SAMMSON: variants seen among roughly 807,000 people sequenced by gnomAD.
The protein encoded by SAMMSON is survival associated mitochondrial melanoma specific oncogenic non-coding RNA, also known as long intergenic non-protein coding RNA 1212.
chr3:70,186,286 T>C (rs2106708448), intron 4 of SAMMSON, among the ~76,000 whole-genome samples: 1 of 151,966 alleles, frequency 6.6e-6, no homozygotes, highest in African/African-American at 2.4e-5. Flanking sequence ...TTTAGACAAA[T>C]TGTGCTCTGT....
At chr3:70,045,141 T>TTA (rs1226230107) in intron 3 of SAMMSON, among the ~76,000 whole-genome samples, 22 of 130,760 alleles carry the variant, frequency 1.7e-4, no homozygotes, top group South Asian at 1.1e-3. Context: ...ATATTATAAT[T>TTA]TATATATATT....
intron 4 of SAMMSON, among the ~76,000 whole-genome samples, chr3:70,118,111 CG>C (rs1309308573): frequency 5.9e-5 from 9 of 152,058 alleles, no homozygotes; most frequent in Admixed American, 2.6e-4. Context: ...TTAGTAGAGA[CG>C]GGGTTTTTAC....
At chr3:70,029,600 A>C (rs575115710) in intron 3 of SAMMSON, among the ~76,000 whole-genome samples, 1 of 152,102 alleles carries the variant, frequency 6.6e-6, no homozygotes, top group South Asian at 2.1e-4. Flanking sequence ...CTAAAAATAC[A>C]AAAAATTAGC....
chr3:70,089,734 C>A (rs2067298743), intron 4 of SAMMSON, among the ~76,000 whole-genome samples: 2 of 151,854 alleles, frequency 1.3e-5, no homozygotes, highest in African/African-American at 2.4e-5. Flanking sequence ...TGGATGTTTT[C>A]AAAAAATATA....
chr3:70,374,546 G>A (rs1179138143), intron 9 of SAMMSON, among the ~76,000 whole-genome samples: 1 of 152,026 alleles, frequency 6.6e-6, no homozygotes, highest in Non-Finnish European at 1.5e-5. Context: ...GGGTGGGAGT[G>A]GCATTTTTGG....
chr3:70,161,501 T>TA (rs1222931526), intron 4 of SAMMSON, among the ~76,000 whole-genome samples: 31 of 152,162 alleles, frequency 2.0e-4, no homozygotes, highest in African/African-American at 7.2e-4. Context: ...TAAACTATCT[T>TA]ACCATTCCTA....
downstream of SAMMSON, among the ~76,000 whole-genome samples, chr3:70,393,935 G>A (rs761574441): frequency 3.3e-5 from 5 of 152,142 alleles, no homozygotes; most frequent in Admixed American, 6.6e-5. Flanking sequence ...TTAAAAAGAC[G>A]ACTTTGGCAG....
intron 3 of SAMMSON, among the ~76,000 whole-genome samples, chr3:70,043,383 A>T (rs1417665366): frequency 1.3e-5 from 2 of 151,980 alleles, no homozygotes; most frequent in Non-Finnish European, 2.9e-5. Context: ...ACGTTAGTTC[A>T]TTATTTCCAG....
intron 3 of SAMMSON, among the ~76,000 whole-genome samples, chr3:70,053,503 A>C (rs1351446593): frequency 2.0e-5 from 3 of 152,242 alleles, no homozygotes; most frequent in East Asian, 3.9e-4. Flanking sequence ...TGGGTGACTC[A>C]TTTCCTTGAC....
chr3:70,431,784 A>G (rs1028564350), intron 2 of SAMMSON, among the ~76,000 whole-genome samples: 58 of 152,142 alleles, frequency 3.8e-4, no homozygotes, highest in Admixed American at 9.8e-4. Flanking sequence ...TCTAATTTCT[A>G]TCACAATGGA....
rs191209146 is a variant in SAMMSON, at chr3:70,323,166, C to T, written n.740-31009C>T. On this transcript the variant is annotated intron_variant and non_coding_transcript_variant, in intron 7 of 9. Coordinates refer to ENST00000642114, the Ensembl canonical transcript of SAMMSON. ...TGAATCTCCTCTAAAATGCACAGGA[C>T]GTAAGAAGAAGAAAAAGAAAAGCTG... Among the ~76,000 whole-genome samples the T allele has an allele frequency of 4.1e-4, 63 of 152,034 alleles. No individual in the cohort carries two copies. The South Asian group carries it at 0.01, about 25-fold the overall frequency.
chr3:70,183,042 C>T (rs1701066233), intron 4 of SAMMSON, among the ~76,000 whole-genome samples: 1 of 152,172 alleles, frequency 6.6e-6, no homozygotes, highest in African/African-American at 2.4e-5. Context: ...GGGTCCTCCT[C>T]AGGTCTCTGG....
chr3:70,196,165 A>G (rs1169773468), intron 4 of SAMMSON, among the ~76,000 whole-genome samples: 2 of 152,224 alleles, frequency 1.3e-5, no homozygotes, highest in Admixed American at 6.5e-5. Context: ...AAACTTGCAC[A>G]TAATTCTCAT....
chr3:70,369,530 T>C (rs2106745021), intron 9 of SAMMSON, among the ~76,000 whole-genome samples: 1 of 151,706 alleles, frequency 6.6e-6, no homozygotes, highest in African/African-American at 2.4e-5. Flanking sequence ...CTTTTTTTTT[T>C]TGCCATGTTG....
chr3:70,369,026 TTTAAA>T (rs1702943550), intron 9 of SAMMSON, among the ~76,000 whole-genome samples: 1 of 151,720 alleles, frequency 6.6e-6, no homozygotes, highest in South Asian at 2.1e-4. Context: ...CTTTGATTTT[TTTAAA>T]TTAAAGTTTT....
At chr3:70,014,192 C>G (rs2066971420) in intron 3 of SAMMSON, 1 of 152,172 alleles carries the variant, frequency 6.6e-6, no homozygotes. Context: ...ACTTCCCACA[C>G]CTAGTGACCT....
chr3:70,303,170 T>G (rs191057770), intron 7 of SAMMSON, among the ~76,000 whole-genome samples: 1 of 152,290 alleles, frequency 6.6e-6, no homozygotes, highest in East Asian at 1.9e-4. Flanking sequence ...GCATGGGTCA[T>G]TGCTACTGGC....
At chr3:70,376,158 A>G (rs559636428) in intron 9 of SAMMSON, among the ~76,000 whole-genome samples, 3 of 152,352 alleles carry the variant, frequency 2.0e-5, no homozygotes, top group Admixed American at 1.3e-4. Flanking sequence ...ACAATAAGGA[A>G]CAAGTTGATA....
Position 70,116,292 on chromosome 3 carries a change from CT to C in SAMMSON, n.507+44745del, listed in dbSNP as rs57252778. Among the ~76,000 whole-genome samples, 409 of 118,204 alleles carry C rather than the reference CT, an allele frequency of 3.5e-3. 1 individual carries two copies. The highest frequency in any genetic ancestry group is 6.1e-3 in the Admixed American group (70 of 11,466). 77.5% of individuals were successfully genotyped at this position (118,204 alleles called of 152,430 possible). A position where few individuals can be genotyped will look rare whatever the true frequency, so the allele number is the denominator to read the frequency against. On this transcript the variant is annotated intron_variant and non_coding_transcript_variant, in intron 4 of 9. Transcript: ENST00000642114. The stretch of plus-strand genomic sequence containing the variant: ...AGTTTTAGGAGAAGGGCGATGCTTT[CT>C]TTTTTTTTTTTTTTTTTAAAGAAAA...
Sources: allele counts gnomAD v4.1 joint callset (sites outside exome capture counted in the v4.1 genomes callset), GRCh38; gene constraint gnomAD v4.1.1; transcripts MANE v1.5; gene names NCBI Gene and HGNC (gene_info 2026-07-23, HGNC 2026-07-21).